The following DCAF13 variants were observed in gnomAD, a reference collection of about 807,000 sequenced individuals.
DCAF13 encodes DDB1- and CUL4-associated factor 13.
In DCAF13, 38 loss-of-function variants were observed where a neutral mutation model predicts 59.0. The observed-to-expected ratio is 0.64, with a 90% confidence interval of 0.50 to 0.84. The LOEUF is 0.84. DCAF13 is among the 40% of genes least tolerant of loss of function. The pLI is 0.00. For missense variants in DCAF13, 469 were observed against 558.4 expected (o/e 0.84, Z 1.61); for synonymous variants, 173 against 175.0 (o/e 0.99, Z 0.09).
chr8:103,433,707 G>A (rs887631567), intron 7 of DCAF13, among the ~76,000 whole-genome samples: 2 of 152,088 alleles, frequency 1.3e-5, no homozygotes, highest in African/African-American at 4.8e-5. Flanking sequence ...ACAGTGAGTT[G>A]TAATTGGGCC....
chr8:103,430,580 T>A lies in DCAF13; in HGVS notation c.625-32T>A, dbSNP rs753746269. On this transcript the variant is annotated intron_variant, in intron 5 of 10. Transcript: ENST00000612750. ...GATGTGGTTTGCTGCCAGGTCTGGC[T>A]TTGAACTGGTGATTGTTATACTTGT... 16 of 1,536,264 alleles carry A rather than the reference T, an allele frequency of 1.0e-5. No homozygotes were observed. In the South Asian group the frequency reaches 1.7e-4, roughly 17 times the overall value.
chr8:103,435,579 G>A, intron 7 of DCAF13, 47 bp from the exon 8 acceptor site: 1 of 1,431,706 alleles, frequency 7.0e-7, no homozygotes, highest in Non-Finnish European at 9.4e-7. Flanking sequence ...ACTGCATATG[G>A]CATCTTTCTA....
rs371332126 is a variant in DCAF13 at position 103,421,117 on chromosome 8, C to T, written c.378+35C>T. ...ATACCATTAAGTCATTAAATTTGAT[C>T]AACATAGGTAAGAATAATCTAATTG... On this transcript the variant is annotated intron_variant, in intron 3 of 10. Transcript: ENST00000612750. 4.7e-4 allele frequency: 623 copies of T among 1,318,224 alleles called. 4 individuals carry two copies. Among genetic ancestry groups the T allele is most frequent in the Non-Finnish European group, 2.4e-4 (222 of 911,000 alleles). The allele number at this position is 1,318,224 out of a possible 1,614,324, so 81.7% of individuals were successfully genotyped here. A position where few individuals can be genotyped will look rare whatever the true frequency, so the allele number is the denominator to read the frequency against.
chr8:103,440,392 A>AT lies in DCAF13; in HGVS notation c.1086+122dup, dbSNP rs1816994277. 7 of 878,542 alleles carry AT rather than the reference A, an allele frequency of 8.0e-6. No homozygotes were observed. The South Asian group carries it at 8.4e-5, about 11-fold the overall frequency. 54.4% of individuals were successfully genotyped at this position (878,542 alleles called of 1,614,324 possible). On this transcript the variant is annotated intron_variant, in intron 9 of 10. Transcript: ENST00000612750. Reference sequence around the variant, plus strand: ...TTTTGATTAAATTGACATAGCTGTGATAAAAAAAGCAATAAATGGACAAGG... The same window carrying AT: ...TTTTGATTAAATTGACATAGCTGTGATTAAAAAAAGCAATAAATGGACAAGG...
chr8:103,419,127 G>C lies in DCAF13; in HGVS notation c.71-1137G>C, dbSNP rs3133818. ...TCTCGATCTCCTGACCTCGTGATCC[G>C]TCCGTCCCGGCCCCCCAAAGTGCTG... On this transcript the variant is annotated intron_variant, in intron 1 of 10. Transcript: ENST00000612750. Among the ~76,000 whole-genome samples the C allele has an allele frequency of 2.7e-4, 41 of 151,596 alleles. No homozygotes were observed. The East Asian group carries it at 6.6e-3, about 25-fold the overall frequency.
At chr8:103,428,664 T>C (rs1353775959) in intron 5 of DCAF13, 1 of 152,088 alleles carries the variant, frequency 6.6e-6, no homozygotes. Flanking sequence ...TGAACATTTT[T>C]TAAAAGTGCT....
intron 7 of DCAF13, among the ~76,000 whole-genome samples, chr8:103,435,010 A>T (rs1170111874): frequency 2.6e-5 from 4 of 152,126 alleles, no homozygotes; most frequent in African/African-American, 9.6e-5. Flanking sequence ...GAATCTGTCC[A>T]GATTTAATTG....
chr8:103,422,737 A>C (rs1439987829), intron 3 of DCAF13, among the ~76,000 whole-genome samples: 1 of 152,220 alleles, frequency 6.6e-6, no homozygotes, highest in East Asian at 1.9e-4. Context: ...TAATCAGTCA[A>C]ATAGATCTTC....
chr8:103,418,887 T>A (rs1467793287), intron 1 of DCAF13, among the ~76,000 whole-genome samples: 1,596 of 68,954 alleles, frequency 0.023, 91 homozygotes, highest in East Asian at 0.1. Context: ...TTTTTTTTTT[T>A]TTTTTTTTTT....
chr8:103,425,269 T>C (rs1417451478), intron 3 of DCAF13, among the ~76,000 whole-genome samples: 1 of 152,244 alleles, frequency 6.6e-6, no homozygotes, highest in Non-Finnish European at 1.5e-5. Flanking sequence ...GTTTTCAACC[T>C]CAAACTACAT....
chr8:103,434,932 A>C (rs1425204133), intron 7 of DCAF13, among the ~76,000 whole-genome samples: 1 of 152,104 alleles, frequency 6.6e-6, no homozygotes, highest in Non-Finnish European at 1.5e-5. Flanking sequence ...CTTTGTTGGC[A>C]GTGATTTGGC....
chr8:103,423,695 G>T (rs1171667109), intron 3 of DCAF13, among the ~76,000 whole-genome samples: 1 of 152,204 alleles, frequency 6.6e-6, no homozygotes, highest in Non-Finnish European at 1.5e-5. Context: ...TAATAAGTAT[G>T]TGAGGTAACA....
chr8:103,433,201 A>T (rs910248418), intron 7 of DCAF13, among the ~76,000 whole-genome samples: 3 of 152,138 alleles, frequency 2.0e-5, no homozygotes. Flanking sequence ...TGAACCATAC[A>T]TGTTTTAATG....
chr8:103,430,594 TG>T lies in DCAF13; in HGVS notation c.625-17del, dbSNP rs770893372. The T allele has an allele frequency of 6.3e-7, 1 of 1,599,768 alleles. No homozygotes were observed. Among genetic ancestry groups the T allele is most frequent in the South Asian group, 1.1e-5 (1 of 89,992 alleles). On this transcript the variant is annotated splice_polypyrimidine_tract_variant and intron_variant, in intron 5 of 10. Transcript: ENST00000612750. The stretch of plus-strand genomic sequence containing the variant: ...CCAGGTCTGGCTTTGAACTGGTGAT[TG>T]TTATACTTGTTTTTAGACATTTCTC...
At chr8:103,421,806 C>A (rs1816726472) in intron 3 of DCAF13, among the ~76,000 whole-genome samples, 1 of 152,184 alleles carries the variant, frequency 6.6e-6, no homozygotes, top group African/African-American at 2.4e-5. Flanking sequence ...AATTTCCTTT[C>A]TTTTTATGGC....
intron 5 of DCAF13, chr8:103,429,897 A>G (rs1472359819): frequency 6.6e-6 from 1 of 152,196 alleles, no homozygotes; most frequent in African/African-American, 2.4e-5. Context: ...AAAATTGTTC[A>G]TACCTTTTGA....
At chr8:103,430,408 TA>T (rs1816848120) in intron 5 of DCAF13, 2 of 360,004 alleles carry the variant, frequency 5.6e-6, no homozygotes, top group South Asian at 5.4e-5. Context: ...AATAAATAAA[TA>T]AATAAAATAC....
At position 103,415,443 on chromosome 8, in the gene DCAF13, C is replaced by G. The variant is rs756087392; in HGVS notation, c.-4C>G. On this transcript the variant is annotated 5_prime_UTR_variant, in exon 1 of 11. Coordinates refer to ENST00000612750, the MANE Select transcript of DCAF13 (RefSeq NM_015420.7). ...CGTGGAGTCCGGCCGGAAGAGCAACCGAGATGAAGGTGAAGATGCTGAGCC... is the reference window on the plus strand; with the variant it reads ...CGTGGAGTCCGGCCGGAAGAGCAACGGAGATGAAGGTGAAGATGCTGAGCC... 2 of 1,613,938 alleles carry G rather than the reference C, an allele frequency of 1.2e-6. No individual in the cohort carries two copies. The highest frequency in any genetic ancestry group is 2.2e-5 in the East Asian group (1 of 44,894).
At chr8:103,420,491 A>G (rs1444263855) in intron 2 of DCAF13, 28 bp downstream of exon 2, 1 of 1,593,182 alleles carries the variant, frequency 6.3e-7, no homozygotes, top group Middle Eastern at 1.7e-4. Context: ...TGATATTTTC[A>G]ACTAAAAGTA....
Sources: allele counts gnomAD v4.1 joint callset (sites outside exome capture counted in the v4.1 genomes callset), GRCh38; gene constraint gnomAD v4.1.1; transcripts MANE v1.5; gene names NCBI Gene and HGNC (gene_info 2026-07-23, HGNC 2026-07-21).